Variants in USP28 observed in about 807,000 individuals in gnomAD.
USP28 encodes the protein ubiquitin specific peptidase 28.
Under a neutral mutation model 145.0 loss-of-function variants are expected in USP28, and 113 were observed. That is an observed-to-expected ratio of 0.78 (90% CI 0.67 to 0.91). The LOEUF (loss-of-function observed/expected upper bound fraction) is 0.91. USP28 is among the 40% of genes least tolerant of loss of function. The pLI is 0.00. For synonymous variants in USP28, 447 were observed against 450.9 expected (o/e 0.99, Z 0.11); for missense variants, 1,201 against 1,289.6 (o/e 0.93, Z 1.05).
At chr11:113,803,353 C>T (rs1939387234) in intron 22 of USP28, 72 bp from the exon 24 acceptor site, 1 of 1,457,832 alleles carries the variant, frequency 6.9e-7, no homozygotes, top group Non-Finnish European at 9.1e-7. Flanking sequence ...CCTCACTTTT[C>T]CCCATTTCAA....
intron 1 of USP28, among the ~76,000 whole-genome samples, chr11:113,856,539 T>A (rs1947064326): frequency 1.3e-5 from 2 of 152,168 alleles, no homozygotes; most frequent in South Asian, 4.1e-4. Flanking sequence ...ACATAGGTAT[T>A]ACGCCTGTCC....
At chr11:113,854,316 T>C (rs1315924413) in exon 2 of USP28, 1 of 1,614,012 alleles carries the variant, frequency 6.2e-7, no homozygotes, top group Non-Finnish European at 8.5e-7. Context: ...TCTCAGTTGA[T>C]TTAACAGCAT....
At chr11:113,853,074 G>A (rs1282430686) in intron 2 of USP28, among the ~76,000 whole-genome samples, 5 of 152,086 alleles carry the variant, frequency 3.3e-5, no homozygotes, top group South Asian at 4.1e-4. Flanking sequence ...AGGCCAAGGC[G>A]GGCAGATCGC....
At chr11:113,809,126 A>G in exon 17 of USP28, 1 of 1,614,200 alleles carries the variant, frequency 6.2e-7, no homozygotes, top group Non-Finnish European at 8.5e-7. Flanking sequence ...GGGATTTTGC[A>G]AGACTGCTCT....
chr11:113,839,819 T>C (rs1944993563), intron 5 of USP28, among the ~76,000 whole-genome samples: 1 of 152,110 alleles, frequency 6.6e-6, no homozygotes, highest in African/African-American at 2.4e-5. Context: ...GGTCAGGAGT[T>C]GGAGACCAGC....
In USP28 at chr11:113,832,014, G is replaced by A. The variant is rs770343318; in HGVS notation, c.760-21C>T. On this transcript the variant is annotated intron_variant, in intron 7 of 24. Transcript: ENST00000003302. Reference sequence around the variant, plus strand: ...TCTTGCTATAAGAGAGGCACAAATTGCATAAAAGTTAGATGCAATACTAAG... The same window carrying A: ...TCTTGCTATAAGAGAGGCACAAATTACATAAAAGTTAGATGCAATACTAAG... 3.1e-6 allele frequency: 5 copies of A among 1,608,566 alleles called. No homozygotes were observed. The South Asian group carries it at 5.5e-5, about 18-fold the overall frequency.
intron 1 of USP28, among the ~76,000 whole-genome samples, chr11:113,872,047 T>C (rs1356134654): frequency 6.6e-6 from 1 of 152,230 alleles, no homozygotes; most frequent in Admixed American, 6.5e-5. Flanking sequence ...GAGAGAATGC[T>C]ATGTTAAGTT....
rs569949208 is a variant in USP28 at position 113,845,071 on chromosome 11, G to A, written c.269-3303C>T. Among the ~76,000 whole-genome samples the A allele has an allele frequency of 4.7e-5, 7 of 147,986 alleles. No individual in the cohort carries two copies. In the East Asian group the frequency reaches 1.4e-3, roughly 30 times the overall value. On this transcript the variant is annotated intron_variant, in intron 3 of 24. Coordinates refer to ENST00000003302, the Ensembl canonical transcript of USP28. ...GGAGGTCAAGGCTGCAGTGAGCCCT[G>A]TTTGCACAACTGCACTCCAACCTGG...
intron 5 of USP28, chr11:113,835,471 C>A: frequency 2.5e-6 from 1 of 398,006 alleles, no homozygotes; most frequent in Non-Finnish European, 4.9e-6. Context: ...ACCTCTCTGG[C>A]TTCCCTCACT....
chr11:113,800,297 G>A (rs1338470815), intron 24 of USP28, among the ~76,000 whole-genome samples: 1 of 151,882 alleles, frequency 6.6e-6, no homozygotes, highest in African/African-American at 2.4e-5. Context: ...GAGCCACTGC[G>A]CCCGGCCTTT....
rs189706327 is a variant in USP28 at position 113,869,262 on chromosome 11, G to A, written c.57+6183C>T. Among the ~76,000 whole-genome samples the A allele has an allele frequency of 3.0e-3, 452 of 152,188 alleles. 2 individuals carry two copies. The highest frequency in any genetic ancestry group is 0.011 in the African/African-American group (437 of 41,532). ...AGCCTGGCCAACATGGTGAAACCCC[G>A]TCTCTACTAAAAATACAAAAATTAG... On this transcript the variant is annotated intron_variant, in intron 1 of 24. Transcript: ENST00000003302.
chr11:113,829,336 A>T, exon 10 of USP28: 2 of 1,614,162 alleles, frequency 1.2e-6, no homozygotes. Context: ...ATTGTTACAA[A>T]AGGGTTTTCC....
At chr11:113,799,141 C>T in exon 25 of USP28, 3 of 1,337,452 alleles carry the variant, frequency 2.2e-6, no homozygotes, top group Non-Finnish European at 3.1e-6. Context: ...ATCTTATGTG[C>T]CCACCTAATC....
chr11:113,798,151 T>C (rs1443162820), exon 25 of USP28: 3 of 147,542 alleles, frequency 2.0e-5, no homozygotes, highest in African/African-American at 7.5e-5. Flanking sequence ...CGATGACTTG[T>C]CTGCAATCCC....
chr11:113,823,783 ACTT>A, intron 11 of USP28, 83 bp from the exon 12 acceptor site: 2 of 1,175,842 alleles, frequency 1.7e-6, no homozygotes, highest in Non-Finnish European at 2.4e-6. Context: ...ATTCAAGGAA[ACTT>A]CTTCAATCAG....
chr11:113,830,895 A>G, exon 9 of USP28: 3 of 1,614,122 alleles, frequency 1.9e-6, no homozygotes, highest in Non-Finnish European at 2.5e-6. Flanking sequence ...TCAGGAAAGT[A>G]CCATAGAACA....
chr11:113,868,778 C>T (rs1452549050), intron 1 of USP28, among the ~76,000 whole-genome samples: 1 of 150,782 alleles, frequency 6.6e-6, no homozygotes, highest in Non-Finnish European at 1.5e-5. Context: ...AAAATATTAG[C>T]TAGGCATGGT....
intron 2 of USP28, 85 bp from the exon 3 acceptor site, chr11:113,852,718 G>A (rs1381106768): frequency 7.0e-7 from 1 of 1,433,328 alleles, no homozygotes; most frequent in Non-Finnish European, 9.5e-7. Context: ...TTACCCTGGT[G>A]ACACACTGAG....
intron 1 of USP28, among the ~76,000 whole-genome samples, chr11:113,873,855 C>A (rs113433558): frequency 6.6e-6 from 1 of 152,178 alleles, no homozygotes; most frequent in Non-Finnish European, 1.5e-5. Flanking sequence ...TTAAAAAGCG[C>A]ATCCAGGCTG....
Sources: gnomAD v4.1 joint callset for allele counts (sites outside exome capture counted in the v4.1 genomes callset) on GRCh38, gnomAD v4.1.1 for gene constraint, MANE v1.5 for transcripts, NCBI Gene and HGNC (gene_info 2026-07-23, HGNC 2026-07-21) for gene names.